The following COL14A1 variants were observed in gnomAD, a reference collection of about 807,000 sequenced individuals.
COL14A1 encodes collagen alpha-1(XIV) chain.
Under a neutral mutation model 230.3 loss-of-function variants are expected in COL14A1, and 136 were observed. The observed-to-expected ratio is 0.59, with a 90% confidence interval of 0.51 to 0.68. The LOEUF is 0.68. COL14A1 is among the 30% of genes least tolerant of loss of function. COL14A1 has a pLI of 0.00. For missense variants in COL14A1, 1,976 were observed against 2,215.8 expected (o/e 0.89, Z 2.17); for synonymous variants, 792 against 784.1 (o/e 1.01, Z -0.17).
At chr8:120,340,744 T>C (rs1822265866) in intron 42 of COL14A1, among the ~76,000 whole-genome samples, 1 of 152,202 alleles carries the variant, frequency 6.6e-6, no homozygotes, top group Non-Finnish European at 1.5e-5. Context: ...AATAAATCAA[T>C]TGAGAAGTCA....
intron 2 of COL14A1, among the ~76,000 whole-genome samples, chr8:120,157,670 C>A (rs1321463354): frequency 6.6e-6 from 1 of 152,022 alleles, no homozygotes; most frequent in Non-Finnish European, 1.5e-5. Context: ...CTGATCAGTT[C>A]ATTAGTGAGG....
Position 120,324,884 on chromosome 8 carries a change from G to A in COL14A1, c.4660-7257G>A, listed in dbSNP as rs537936784. 2.6e-5 allele frequency among the ~76,000 whole-genome samples: 4 copies of A among 151,944 alleles called. No individual in the cohort carries two copies. In the East Asian group the frequency reaches 7.7e-4, roughly 29 times the overall value. On this transcript the variant is annotated intron_variant, in intron 40 of 47. Transcript: ENST00000297848. ...TCAGTTGCAACACTATTTGTGGGCA[G>A]GTCAGTTTTTTTTAGAGACCATAGG...
intron 19 of COL14A1, among the ~76,000 whole-genome samples, chr8:120,234,113 C>CTATT (rs1554612466): frequency 6.6e-6 from 1 of 151,430 alleles, no homozygotes; most frequent in African/African-American, 2.4e-5. Context: ...ATTTGGCTCT[C>CTATT]TGTCTATTAT....
intron 36 of COL14A1, among the ~76,000 whole-genome samples, chr8:120,303,523 C>T (rs7017945): frequency 0.54 from 82,154 of 151,888 alleles, 24,006 homozygotes; most frequent in African/African-American, 0.79. Context: ...TGGTTCTGTT[C>T]GTGATGAATC....
chr8:120,333,315 CAAAT>C (rs1050414129), intron 42 of COL14A1, among the ~76,000 whole-genome samples: 1 of 152,176 alleles, frequency 6.6e-6, no homozygotes, highest in Non-Finnish European at 1.5e-5. Flanking sequence ...GAAAGAAAAA[CAAAT>C]GAACACATCT....
chr8:120,268,654 A>G (rs1313398257), intron 25 of COL14A1, among the ~76,000 whole-genome samples: 1 of 151,714 alleles, frequency 6.6e-6, no homozygotes, highest in Non-Finnish European at 1.5e-5. Context: ...AATTTGTATT[A>G]TTAAAGTAAT....
intron 3 of COL14A1, among the ~76,000 whole-genome samples, chr8:120,161,766 C>A (rs1166406733): frequency 1.3e-5 from 2 of 152,058 alleles, no homozygotes; most frequent in South Asian, 2.1e-4. Context: ...TGGGTTCAAA[C>A]GATTGTCCTG....
At chr8:120,365,462 C>T (rs1288802988) in intron 45 of COL14A1, among the ~76,000 whole-genome samples, 4 of 152,140 alleles carry the variant, frequency 2.6e-5, no homozygotes, top group South Asian at 2.1e-4. Context: ...GATGGATTCT[C>T]GGCTAAATTC....
chr8:120,213,990 T>A, intron 13 of COL14A1: 1 of 403,070 alleles, frequency 2.5e-6, no homozygotes, highest in Non-Finnish European at 4.8e-6. Flanking sequence ...TGTCAAAGAA[T>A]CAGTATGTAT....
intron 14 of COL14A1, among the ~76,000 whole-genome samples, chr8:120,219,604 T>A (rs1817867506): frequency 6.6e-6 from 1 of 152,162 alleles, no homozygotes; most frequent in Non-Finnish European, 1.5e-5. Flanking sequence ...GACCTAATCA[T>A]TTCTCAAAGA....
At chr8:120,217,392 G>A (rs755349463) in intron 14 of COL14A1, among the ~76,000 whole-genome samples, 8 of 152,130 alleles carry the variant, frequency 5.3e-5, no homozygotes, top group African/African-American at 1.2e-4. Context: ...GCAAAACAGC[G>A]AGGTTATTTT....
intron 45 of COL14A1, among the ~76,000 whole-genome samples, chr8:120,346,003 G>A (rs1169307988): frequency 6.6e-6 from 1 of 152,198 alleles, no homozygotes; most frequent in Non-Finnish European, 1.5e-5. Context: ...TGCCCAGACT[G>A]GGCAATAGTC....
intron 5 of COL14A1, 90 bp from the exon 6 acceptor site, chr8:120,196,701 G>A: frequency 7.8e-7 from 1 of 1,289,992 alleles, no homozygotes; most frequent in Non-Finnish European, 1.1e-6. Context: ...TGTATTCTTA[G>A]CACTAAGTTG....
chr8:120,223,298 A>G (rs548252378), intron 14 of COL14A1, among the ~76,000 whole-genome samples: 94 of 152,342 alleles, frequency 6.2e-4, no homozygotes, highest in African/African-American at 2.1e-3. Context: ...GCCATGAGCA[A>G]ACACATACAG....
intron 36 of COL14A1, among the ~76,000 whole-genome samples, chr8:120,307,289 A>G (rs1389949525): frequency 1.3e-5 from 2 of 152,220 alleles, no homozygotes; most frequent in Non-Finnish European, 2.9e-5. Context: ...CACTGGGGGA[A>G]AAACTATAAT....
chr8:120,319,558 G>T (rs184819918), intron 40 of COL14A1, among the ~76,000 whole-genome samples: 51 of 152,270 alleles, frequency 3.3e-4, no homozygotes, highest in African/African-American at 1.2e-3. Context: ...TTATGGAAAG[G>T]TTAGCACCCC....
intron 40 of COL14A1, among the ~76,000 whole-genome samples, chr8:120,330,686 C>A (rs1159688908): frequency 6.6e-6 from 1 of 152,128 alleles, no homozygotes; most frequent in Non-Finnish European, 1.5e-5. Context: ...TATCACCCTG[C>A]CTTTGTGCCA....
At chr8:120,211,176 G>A (rs756371511) in intron 12 of COL14A1, among the ~76,000 whole-genome samples, 10 of 152,084 alleles carry the variant, frequency 6.6e-5, no homozygotes, top group Non-Finnish European at 1.5e-4. Context: ...ATGTATCATA[G>A]GGAAACATCT....
intron 19 of COL14A1, among the ~76,000 whole-genome samples, chr8:120,239,279 C>T (rs566873324): frequency 2.9e-4 from 44 of 152,284 alleles, no homozygotes; most frequent in Middle Eastern, 6.8e-3. Context: ...TAGCTCATTA[C>T]TTGCATTTCT....
Sources: allele counts gnomAD v4.1 joint callset (sites outside exome capture counted in the v4.1 genomes callset), GRCh38; gene constraint gnomAD v4.1.1; transcripts MANE v1.5; gene names NCBI Gene and HGNC (gene_info 2026-07-23, HGNC 2026-07-21).